HYDIN: variants seen among roughly 807,000 people sequenced by gnomAD.
HYDIN encodes HYDIN axonemal central pair apparatus protein.
A neutral mutation model predicts 403.9 loss-of-function variants in HYDIN; 132 were observed. That is an observed-to-expected ratio of 0.33 (90% CI 0.28 to 0.38). The LOEUF (loss-of-function observed/expected upper bound fraction) is 0.38, where lower values mean the gene tolerates loss of function less well. Ranked by LOEUF, HYDIN falls within the 10% of genes least tolerant of loss-of-function variation. The pLI is 1.00. For missense variants in HYDIN, 2,827 were observed against 5,009.5 expected, an observed-to-expected ratio of 0.56 and a Z score of 13.15; for synonymous variants, 1,202 against 1,891.7, an observed-to-expected ratio of 0.64 and a Z score of 9.46.
chr16:70,946,735 A>G (rs2077875672), intron 41 of HYDIN, among the ~76,000 whole-genome samples: 1 of 152,168 alleles, frequency 6.6e-6, no homozygotes, highest in Non-Finnish European at 1.5e-5. Context: ...CAGGATTGTG[A>G]TAGAGAGATC....
chr16:70,826,579 CTTGTT>C (rs1475727160), intron 83 of HYDIN, among the ~76,000 whole-genome samples: 1 of 151,372 alleles, frequency 6.6e-6, no homozygotes, highest in African/African-American at 2.5e-5. Flanking sequence ...TTCATGATGT[CTTGTT>C]TTGAGGTTCT....
chr16:70,832,505 T>A (rs2037073287), intron 80 of HYDIN, among the ~76,000 whole-genome samples: 1 of 151,920 alleles, frequency 6.6e-6, no homozygotes, highest in Non-Finnish European at 1.5e-5. Flanking sequence ...TCAGTTAGGT[T>A]CCCAGGAACA....
chr16:71,174,435 A>G (rs763766148), intron 5 of HYDIN, among the ~76,000 whole-genome samples: 4 of 152,188 alleles, frequency 2.6e-5, no homozygotes, highest in Non-Finnish European at 2.9e-5. Context: ...GACTCCAACC[A>G]TAAGAGTGCA....
At chr16:71,179,338 TG>T (rs1022006928) in intron 3 of HYDIN, among the ~76,000 whole-genome samples, 6 of 143,284 alleles carry the variant, frequency 4.2e-5, no homozygotes, top group Admixed American at 1.3e-4. Context: ...TTTTAAATCC[TG>T]AAAAAAAAAA....
chr16:70,938,293 TCAGGGGGGGCCAGCAGGGGCCC>T (rs1597369132), intron 44 of HYDIN, among the ~76,000 whole-genome samples: 1 of 152,062 alleles, frequency 6.6e-6, no homozygotes, highest in East Asian at 1.9e-4. Context: ...GGGGTGCTGG[TCAGGGGGGGCCAGCAGGGGCCC>T]CAGGGCAGCA....
rs1425988647 is a variant in HYDIN, at chr16:71,199,023, G to A, written c.-23-12105C>T. On this transcript the variant is annotated intron_variant, in intron 1 of 85. Coordinates refer to ENST00000393567, the MANE Select transcript of HYDIN (RefSeq NM_001270974.2). ...TTGACAATCTTAATTTTAGCTATCT[G>A]GTGGATGTGTCATGATAGCTCATTG... Among the ~76,000 whole-genome samples, 3 of 152,120 alleles carry A rather than the reference G, an allele frequency of 2.0e-5. No homozygotes were observed. The East Asian group carries it at 5.8e-4, about 29-fold the overall frequency.
At chr16:70,950,685 AC>A (rs1234509238) in intron 41 of HYDIN, among the ~76,000 whole-genome samples, 1 of 151,580 alleles carries the variant, frequency 6.6e-6, no homozygotes, top group Non-Finnish European at 1.5e-5. Context: ...TCCTACCAGT[AC>A]TTTCACTTCT....
intron 8 of HYDIN, among the ~76,000 whole-genome samples, chr16:71,136,790 CA>C (rs370418691): frequency 6.1e-4 from 85 of 138,304 alleles, no homozygotes; most frequent in African/African-American, 1.9e-3. Flanking sequence ...ACAAAAAAAA[CA>C]AAAAAAAAAC....
intron 7 of HYDIN, among the ~76,000 whole-genome samples, chr16:71,139,006 C>G (rs952941020): frequency 4.0e-5 from 6 of 151,186 alleles, no homozygotes; most frequent in African/African-American, 1.5e-4. Context: ...ATCACTTGAA[C>G]CCGGGAGGCG....
chr16:71,176,884 C>A (rs993203591), intron 4 of HYDIN, among the ~76,000 whole-genome samples: 1 of 152,126 alleles, frequency 6.6e-6, no homozygotes, highest in South Asian at 2.1e-4. Flanking sequence ...TTGTACCCCA[C>A]GACAGTGAGG....
intron 4 of HYDIN, among the ~76,000 whole-genome samples, chr16:71,178,163 T>C (rs2086748240): frequency 6.6e-6 from 1 of 152,180 alleles, no homozygotes; most frequent in African/African-American, 2.4e-5. Context: ...CTCACGCCTA[T>C]AATCCCAGCA....
At chr16:70,817,531 A>C (rs1815780681) in intron 84 of HYDIN, 1 of 152,232 alleles carries the variant, frequency 6.6e-6, no homozygotes, top group Admixed American at 6.5e-5. Context: ...GAATCTGGAC[A>C]GTGAGAGTTT....
chr16:71,071,673 C>T (rs1250595734), intron 13 of HYDIN, among the ~76,000 whole-genome samples: 2 of 151,796 alleles, frequency 1.3e-5, no homozygotes, highest in Non-Finnish European at 2.9e-5. Flanking sequence ...TAAAAAGCTC[C>T]TAAGAAGACT....
intron 13 of HYDIN, 85 bp from the exon 14 acceptor site, chr16:71,069,587 T>G: frequency 1.4e-6 from 1 of 698,550 alleles, no homozygotes. Flanking sequence ...CTGCTAAGCT[T>G]CTTGAATGAA....
At chr16:71,217,888 A>G (rs1419850429) in intron 1 of HYDIN, among the ~76,000 whole-genome samples, 5 of 152,296 alleles carry the variant, frequency 3.3e-5, no homozygotes, top group Middle Eastern at 3.4e-3. Context: ...ACAAAGCCAC[A>G]TATTAACTGG....
At chr16:71,050,626 T>C (rs1374032398) in intron 18 of HYDIN, among the ~76,000 whole-genome samples, 1 of 151,580 alleles carries the variant, frequency 6.6e-6, no homozygotes, top group Non-Finnish European at 1.5e-5. Context: ...TAGAACGTCA[T>C]ACAATTGGAA....
At chr16:70,944,771 G>T (rs2077798029) in intron 41 of HYDIN, among the ~76,000 whole-genome samples, 1 of 152,122 alleles carries the variant, frequency 6.6e-6, no homozygotes, top group East Asian at 1.9e-4. Context: ...TTATATTTTT[G>T]AGATGGAGTC....
chr16:71,153,911 G>A (rs984626802), intron 6 of HYDIN, among the ~76,000 whole-genome samples: 2 of 151,952 alleles, frequency 1.3e-5, no homozygotes, highest in East Asian at 1.9e-4. Context: ...TCCTAAATAG[G>A]AAACCCAGCC....
At chr16:71,227,880 C>T (rs2041109860) in intron 1 of HYDIN, among the ~76,000 whole-genome samples, 1 of 152,086 alleles carries the variant, frequency 6.6e-6, no homozygotes. Context: ...AGAACAAAGC[C>T]AGAGGCATCA....
Sources: gnomAD v4.1 joint callset for allele counts (sites outside exome capture counted in the v4.1 genomes callset) on GRCh38, gnomAD v4.1.1 for gene constraint, MANE v1.5 for transcripts, NCBI Gene and HGNC (gene_info 2026-07-23, HGNC 2026-07-21) for gene names.